The following DDAH1 variants were observed in gnomAD, a reference collection of about 807,000 sequenced individuals.
DDAH1 encodes the protein dimethylarginine dimethylaminohydrolase 1, also known as N(G),N(G)-dimethylarginine dimethylaminohydrolase 1.
Under a neutral mutation model 28.8 loss-of-function variants are expected in DDAH1, and 19 were observed. The observed-to-expected ratio is 0.66, with a 90% CI of 0.46 to 0.97. DDAH1 has a LOEUF of 0.97. DDAH1 is among the 50% of genes least tolerant of loss of function. DDAH1 has a pLI of 0.00. For synonymous variants in DDAH1, 153 were observed against 154.4 expected (o/e 0.99, Z 0.07); for missense variants, 326 against 375.9 (o/e 0.87, Z 1.10).
intron 1 of DDAH1, among the ~76,000 whole-genome samples, chr1:85,531,643 C>T (rs1234420742): frequency 2.1e-4 from 30 of 146,270 alleles, no homozygotes; most frequent in Admixed American, 3.5e-4. Context: ...TATTAGTGCC[C>T]CTAAGATGTC....
intron 1 of DDAH1, among the ~76,000 whole-genome samples, chr1:85,384,752 A>G (rs1025958413): frequency 1.3e-5 from 2 of 152,194 alleles, no homozygotes; most frequent in Non-Finnish European, 2.9e-5. Flanking sequence ...CATTTAAACA[A>G]TGAGGAACAA....
chr1:85,500,921 G>T (rs1301908018), intron 1 of DDAH1, among the ~76,000 whole-genome samples: 1 of 151,166 alleles, frequency 6.6e-6, no homozygotes, highest in African/African-American at 2.4e-5. Context: ...TTTCTAGCTG[G>T]TTTTCTTTTA....
intron 1 of DDAH1, among the ~76,000 whole-genome samples, chr1:85,554,749 A>G (rs1342423907): frequency 6.6e-6 from 1 of 152,228 alleles, no homozygotes; most frequent in African/African-American, 2.4e-5. Flanking sequence ...TGGGGAGCCT[A>G]ATGAAGACTG....
intron 1 of DDAH1, chr1:85,448,091 G>C (rs1018011860): frequency 6.6e-6 from 1 of 152,192 alleles, no homozygotes; most frequent in South Asian, 2.1e-4. Flanking sequence ...CTTTGAATGC[G>C]GCCCAACACA....
chr1:85,375,595 C>T (rs997081774), intron 1 of DDAH1, among the ~76,000 whole-genome samples: 6 of 152,110 alleles, frequency 3.9e-5, no homozygotes, highest in Admixed American at 2.0e-4. Context: ...ACCTACTAGA[C>T]GGTGTTGATC....
intron 1 of DDAH1, among the ~76,000 whole-genome samples, chr1:85,455,760 T>C (rs1186486303): frequency 6.6e-6 from 1 of 152,244 alleles, no homozygotes; most frequent in Non-Finnish European, 1.5e-5. Context: ...TCTTACACTA[T>C]TTCAATGGTT....
intron 1 of DDAH1, among the ~76,000 whole-genome samples, chr1:85,424,211 A>G (rs1165003190): frequency 6.6e-6 from 1 of 152,166 alleles, no homozygotes; most frequent in African/African-American, 2.4e-5. Context: ...GTGTTAAGAT[A>G]ATACTGGCCA....
chr1:85,461,070 T>C (rs754665285), intron 1 of DDAH1, among the ~76,000 whole-genome samples: 2 of 152,174 alleles, frequency 1.3e-5, no homozygotes, highest in African/African-American at 2.4e-5. Flanking sequence ...GCTATGATCA[T>C]GCCACTGCAC....
At chr1:85,489,037 G>A (rs1324196472) in intron 2 of DDAH1, among the ~76,000 whole-genome samples, 2 of 152,156 alleles carry the variant, frequency 1.3e-5, no homozygotes, top group Admixed American at 6.5e-5. Flanking sequence ...TAGTCAACTT[G>A]CACCCAGCTG....
intron 1 of DDAH1, among the ~76,000 whole-genome samples, chr1:85,507,595 T>G (rs781483026): frequency 3.3e-5 from 5 of 152,162 alleles, no homozygotes; most frequent in Non-Finnish European, 7.3e-5. Context: ...CATTATCATT[T>G]CTAATAAAAT....
At chr1:85,555,486 A>G (rs11161637) in intron 1 of DDAH1, among the ~76,000 whole-genome samples, 55,332 of 152,058 alleles carry the variant, frequency 0.36, 10,548 homozygotes, top group Non-Finnish European at 0.42. Flanking sequence ...TCTGCCAAAA[A>G]TTCCTTCAAG....
At position 85,415,005 on chromosome 1, in the gene DDAH1, C is replaced by CTTTTTTTTT. The variant is rs71727580; in HGVS notation, c.303+49729_303+49737dup. ...CGAAAATCAAATATTTCAAGTGTTG[C>CTTTTTTTTT]TTTTTTTTTTTTTTTTTTTTTTTTT... On this transcript the variant is annotated intron_variant, in intron 1 of 5. Coordinates refer to ENST00000284031, the MANE Select transcript of DDAH1 (RefSeq NM_012137.4). Among the ~76,000 whole-genome samples, 47 of 57,604 alleles carry CTTTTTTTTT rather than the reference C, an allele frequency of 8.2e-4. 3 individuals are homozygous for CTTTTTTTTT. The highest frequency in any genetic ancestry group is 3.0e-3 in the African/African-American group (47 of 15,678). 37.8% of individuals were successfully genotyped at this position (57,604 alleles called of 152,430 possible). A position where few individuals can be genotyped will look rare whatever the true frequency, so the allele number is the denominator to read the frequency against.
At chr1:85,330,941 T>C (rs1306083771) in intron 4 of DDAH1, among the ~76,000 whole-genome samples, 2 of 152,156 alleles carry the variant, frequency 1.3e-5, no homozygotes, top group Non-Finnish European at 2.9e-5. Flanking sequence ...CAACCTCACT[T>C]TTATCATAGG....
At chr1:85,393,314 C>A (rs1651652995) in intron 1 of DDAH1, among the ~76,000 whole-genome samples, 1 of 152,122 alleles carries the variant, frequency 6.6e-6, no homozygotes. Flanking sequence ...GACAGTCTCT[C>A]CCTCAAAATA....
chr1:85,441,925 A>G (rs1458718504), intron 1 of DDAH1, among the ~76,000 whole-genome samples: 1 of 152,114 alleles, frequency 6.6e-6, no homozygotes, highest in Admixed American at 6.6e-5. Flanking sequence ...CTTTTCATAT[A>G]TATTTTTTCA....
At chr1:85,549,763 A>G (rs989272829) in intron 1 of DDAH1, among the ~76,000 whole-genome samples, 11 of 152,246 alleles carry the variant, frequency 7.2e-5, no homozygotes, top group African/African-American at 2.7e-4. Flanking sequence ...GCATTAATTT[A>G]TATGAGTTAA....
chr1:85,433,976 T>A (rs1323041946), intron 1 of DDAH1, among the ~76,000 whole-genome samples: 1 of 152,110 alleles, frequency 6.6e-6, no homozygotes, highest in Non-Finnish European at 1.5e-5. Flanking sequence ...AAAAAAATAA[T>A]TTAACATTTT....
Position 85,465,127 on chromosome 1 carries a change from G to A in DDAH1, c.-82C>T. ...GGCAGCGCGCGCTGAGCCTGCGAGCGCCCGTCGGCTCCTCTTGGCAGCCGC... is the reference window on the plus strand; with the variant it reads ...GGCAGCGCGCGCTGAGCCTGCGAGCACCCGTCGGCTCCTCTTGGCAGCCGC... On this transcript the variant is annotated 5_prime_UTR_variant, in exon 1 of 6. Transcript: ENST00000284031. The A allele has an allele frequency of 8.5e-7, 1 of 1,173,128 alleles. No individual in the cohort carries two copies. Among genetic ancestry groups the A allele is most frequent in the Non-Finnish European group, 1.1e-6 (1 of 951,140 alleles). 72.7% of individuals were successfully genotyped at this position (1,173,128 alleles called of 1,614,324 possible). A position where few individuals can be genotyped will look rare whatever the true frequency, so the allele number is the denominator to read the frequency against.
At chr1:85,542,324 C>T (rs960998567) in intron 1 of DDAH1, among the ~76,000 whole-genome samples, 2 of 152,178 alleles carry the variant, frequency 1.3e-5, no homozygotes, top group Non-Finnish European at 2.9e-5. Context: ...TCCTGAAAGG[C>T]GGCAGCTCAG....
Sources: allele counts gnomAD v4.1 joint callset (sites outside exome capture counted in the v4.1 genomes callset), GRCh38; gene constraint gnomAD v4.1.1; transcripts MANE v1.5; gene names NCBI Gene and HGNC (gene_info 2026-07-23, HGNC 2026-07-21).